PLPP1: variants seen among roughly 807,000 people sequenced by gnomAD.
PLPP1 encodes phospholipid phosphatase 1.
A neutral mutation model predicts 31.2 loss-of-function variants in PLPP1; 24 were observed. The observed-to-expected ratio is 0.77, with a 90% CI of 0.56 to 1.08. PLPP1 has a LOEUF of 1.08. Ranked by LOEUF, PLPP1 falls within the 50% of genes least tolerant of loss-of-function variation. PLPP1 has a pLI of 0.00. For synonymous variants in PLPP1, 146 were observed against 126.3 expected, an observed-to-expected ratio of 1.16 and a Z score of -1.05; for missense variants, 319 against 342.7, an observed-to-expected ratio of 0.93 and a Z score of 0.55.
intron 1 of PLPP1, among the ~76,000 whole-genome samples, chr5:55,515,810 T>C (rs1753543522): frequency 6.6e-6 from 1 of 152,196 alleles, no homozygotes; most frequent in Admixed American, 6.5e-5. Context: ...TTCTTCCTTT[T>C]CATTTTATAA....
intron 1 of PLPP1, among the ~76,000 whole-genome samples, chr5:55,492,303 C>T (rs1280977134): frequency 6.6e-6 from 1 of 152,044 alleles, no homozygotes; most frequent in Non-Finnish European, 1.5e-5. Context: ...AAAAACAAAT[C>T]CCAAGGTAGA....
chr5:55,439,209 G>C (rs957837009), intron 4 of PLPP1, among the ~76,000 whole-genome samples: 1 of 152,102 alleles, frequency 6.6e-6, no homozygotes, highest in Non-Finnish European at 1.5e-5. Context: ...ACCTAATTTG[G>C]TAAGTAAGCA....
chr5:55,449,959 A>G (rs1751857930), intron 3 of PLPP1, among the ~76,000 whole-genome samples: 1 of 151,426 alleles, frequency 6.6e-6, no homozygotes, highest in South Asian at 2.1e-4. Context: ...AAATTAACTA[A>G]AATATAATAT....
At chr5:55,493,879 CA>C (rs35683543) in intron 1 of PLPP1, among the ~76,000 whole-genome samples, 9,901 of 95,644 alleles carry the variant, frequency 0.1, 594 homozygotes, top group African/African-American at 0.22. Flanking sequence ...GACTCCATCT[CA>C]AAAAAAAAAA....
intron 3 of PLPP1, among the ~76,000 whole-genome samples, chr5:55,453,449 G>A (rs1009217883): frequency 1.3e-5 from 2 of 152,038 alleles, no homozygotes; most frequent in African/African-American, 4.8e-5. Context: ...CAGAAATCTT[G>A]GGCAGTGTCA....
intron 1 of PLPP1, among the ~76,000 whole-genome samples, chr5:55,513,992 C>T (rs1277419642): frequency 2.0e-5 from 3 of 152,198 alleles, no homozygotes; most frequent in Non-Finnish European, 4.4e-5. Flanking sequence ...GGAAATCAGA[C>T]TGACTTCATT....
chr5:55,481,456 C>A (rs1234045637), intron 1 of PLPP1, among the ~76,000 whole-genome samples: 1 of 152,138 alleles, frequency 6.6e-6, no homozygotes, highest in East Asian at 1.9e-4. Flanking sequence ...ACTTTAGAGA[C>A]CACAGTAGCA....
intron 2 of PLPP1, among the ~76,000 whole-genome samples, chr5:55,468,706 G>T (rs556291742): frequency 1.1e-4 from 17 of 152,260 alleles, no homozygotes; most frequent in African/African-American, 4.1e-4. Context: ...CGGAGGCTAA[G>T]GCAGGAGAAT....
chr5:55,491,081 T>G, intron 1 of PLPP1: 2 of 1,613,976 alleles, frequency 1.2e-6, no homozygotes, highest in Non-Finnish European at 1.7e-6. Context: ...TGGATATATT[T>G]GGCCCAATTT....
At chr5:55,435,508 T>C (rs186733048) in intron 4 of PLPP1, among the ~76,000 whole-genome samples, 4 of 152,354 alleles carry the variant, frequency 2.6e-5, no homozygotes, top group Admixed American at 2.0e-4. Flanking sequence ...CTATTTCTAG[T>C]ATTTATAGTC....
Position 55,468,132 on chromosome 5 carries a change from G to A in PLPP1, c.228C>T (p.Thr76=). ...FSIIVIILGE[T]LSVYCNLLHS... ...GCAAAAGGTTACAGTAAACAGACAG[G>A]GTTTCTCCAAGAATAATCTGAAAAA... The change falls in exon 3 of 6, where the codon ACC becomes ACT. Residue 76 remains threonine (T), a synonymous_variant. Transcript: ENST00000307259. 1.3e-6 allele frequency: 2 copies of A among 1,592,234 alleles called. No homozygotes were observed. The highest frequency in any genetic ancestry group is 1.7e-6 in the Non-Finnish European group (2 of 1,167,994).
At chr5:55,502,843 C>T (rs1050893513) in intron 1 of PLPP1, among the ~76,000 whole-genome samples, 1 of 152,150 alleles carries the variant, frequency 6.6e-6, no homozygotes, top group Non-Finnish European at 1.5e-5. Flanking sequence ...AACTCCCCCA[C>T]GTGCATACAT....
chr5:55,519,008 G>T (rs1293549171), intron 1 of PLPP1, among the ~76,000 whole-genome samples: 2 of 151,938 alleles, frequency 1.3e-5, no homozygotes, highest in African/African-American at 4.8e-5. Flanking sequence ...CAAACTAATT[G>T]CCACTCACTA....
At chr5:55,450,840 C>A (rs1751875756) in intron 3 of PLPP1, among the ~76,000 whole-genome samples, 1 of 152,168 alleles carries the variant, frequency 6.6e-6, no homozygotes, top group Admixed American at 6.5e-5. Context: ...CCACCCATCC[C>A]CTTTGTAAAA....
chr5:55,513,450 T>C (rs1579978522), intron 1 of PLPP1, among the ~76,000 whole-genome samples: 1 of 151,938 alleles, frequency 6.6e-6, no homozygotes. Context: ...TTTTCTTTTT[T>C]TAGTAGAGAC....
At chr5:55,492,694 A>C (rs1333891928) in intron 1 of PLPP1, among the ~76,000 whole-genome samples, 1 of 152,204 alleles carries the variant, frequency 6.6e-6, no homozygotes, top group Non-Finnish European at 1.5e-5. Flanking sequence ...TGTAGCCAAC[A>C]TGTATTGCAT....
At chr5:55,489,011 T>G (rs1752832178) in intron 1 of PLPP1, among the ~76,000 whole-genome samples, 2 of 151,632 alleles carry the variant, frequency 1.3e-5, no homozygotes, top group Admixed American at 6.6e-5. Context: ...CTGGCCAACA[T>G]GAAGAAACCC....
chr5:55,456,194 ATG>A (rs1752003387), intron 3 of PLPP1, among the ~76,000 whole-genome samples: 2 of 152,196 alleles, frequency 1.3e-5, no homozygotes. Context: ...AAGTCCACTT[ATG>A]CTCTTAGTTC....
chr5:55,432,796 GA>G (rs1751390136), intron 4 of PLPP1, among the ~76,000 whole-genome samples: 1 of 51,786 alleles, frequency 1.9e-5, no homozygotes, highest in African/African-American at 5.7e-5. Flanking sequence ...ATCCCTTCAT[GA>G]TTTAAAAAAA....
Sources: gnomAD v4.1 joint callset for allele counts (sites outside exome capture counted in the v4.1 genomes callset) on GRCh38, gnomAD v4.1.1 for gene constraint, MANE v1.5 for transcripts, NCBI Gene and HGNC (gene_info 2026-07-23, HGNC 2026-07-21) for gene names.